The following RUNX1 variants were observed in gnomAD, a reference collection of about 807,000 sequenced individuals.
RUNX1 encodes runt-related transcription factor 1.
In RUNX1, 19 loss-of-function variants were observed where a neutral mutation model predicts 42.8. The ratio of observed to expected loss-of-function variants is 0.44; its 90% CI spans 0.31 to 0.65. The LOEUF is 0.65. Among genes scored for constraint, RUNX1 ranks in the 30% least tolerant of loss-of-function variants. RUNX1 has a pLI of 0.07. For synonymous variants in RUNX1, 271 were observed against 289.4 expected (o/e 0.94, Z 0.64); for missense variants, 528 against 672.0 (o/e 0.79, Z 2.37).
intron 8 of RUNX1, among the ~76,000 whole-genome samples, chr21:34,797,110 C>T (rs927389080): frequency 7.9e-5 from 12 of 152,216 alleles, no homozygotes; most frequent in African/African-American, 2.9e-4. Flanking sequence ...GCCTGTGCTC[C>T]AGGCTTGATT....
chr21:35,016,764 C>T (rs73367392), intron 2 of RUNX1, among the ~76,000 whole-genome samples: 14,580 of 152,014 alleles, frequency 0.096, 2,272 homozygotes, highest in African/African-American at 0.32. Flanking sequence ...TGCCCCAGGC[C>T]CCCTTCCATC....
At chr21:34,822,379 C>A (rs1380666908) in intron 7 of RUNX1, among the ~76,000 whole-genome samples, 1 of 152,242 alleles carries the variant, frequency 6.6e-6, no homozygotes. Context: ...TATTTTATTA[C>A]TCCCTTCAGT....
chr21:34,854,190 C>T (rs1168676481), intron 6 of RUNX1, among the ~76,000 whole-genome samples: 1 of 152,144 alleles, frequency 6.6e-6, no homozygotes, highest in Non-Finnish European at 1.5e-5. Flanking sequence ...TTCTCATGTT[C>T]ACATATATAA....
At chr21:35,016,437 C>A (rs2059159407) in intron 2 of RUNX1, among the ~76,000 whole-genome samples, 1 of 152,132 alleles carries the variant, frequency 6.6e-6, no homozygotes. Context: ...ATAGCCCAGG[C>A]CCATTGGAGT....
At chr21:34,818,256 G>A (rs548032243) in intron 7 of RUNX1, among the ~76,000 whole-genome samples, 1 of 152,372 alleles carries the variant, frequency 6.6e-6, no homozygotes, top group East Asian at 1.9e-4. Context: ...AACAGGCCAC[G>A]AGCTCCTTGT....
chr21:34,912,551 A>G (rs571091459), intron 2 of RUNX1, among the ~76,000 whole-genome samples: 1 of 152,272 alleles, frequency 6.6e-6, no homozygotes, highest in Non-Finnish European at 1.5e-5. Flanking sequence ...GATGGAAAAC[A>G]TTTCTGGCCA....
chr21:34,844,881 A>T (rs79796817), intron 6 of RUNX1, among the ~76,000 whole-genome samples: 1 of 152,368 alleles, frequency 6.6e-6, no homozygotes, highest in East Asian at 1.9e-4. Context: ...TGGCTGGTAC[A>T]GAAGGACAGG....
At chr21:34,889,214 C>G (rs956194257) in intron 3 of RUNX1, among the ~76,000 whole-genome samples, 2 of 151,928 alleles carry the variant, frequency 1.3e-5, no homozygotes, top group Non-Finnish European at 2.9e-5. Context: ...GCCTCCGCTT[C>G]CAGGGCGGGG....
chr21:35,007,822 G>A (rs563931423), intron 2 of RUNX1, among the ~76,000 whole-genome samples: 44 of 152,044 alleles, frequency 2.9e-4, no homozygotes, highest in Non-Finnish European at 4.4e-4. Flanking sequence ...ACCCCCAAAC[G>A]CCGATGAGAT....
chr21:34,906,759 T>A (rs2058223381), intron 2 of RUNX1, among the ~76,000 whole-genome samples: 1 of 152,192 alleles, frequency 6.6e-6, no homozygotes, highest in African/African-American at 2.4e-5. Flanking sequence ...ACTCTCCAGT[T>A]AAAGGGGATT....
intron 2 of RUNX1, among the ~76,000 whole-genome samples, chr21:35,043,903 A>G (rs1411181036): frequency 6.6e-6 from 1 of 152,216 alleles, no homozygotes; most frequent in African/African-American, 2.4e-5. Context: ...GAACCTGCTC[A>G]AAGGTATACA....
intron 8 of RUNX1, 37 bp downstream of exon 8, chr21:34,799,264 A>T (rs771365966): frequency 8.8e-5 from 142 of 1,612,488 alleles, no homozygotes; most frequent in Non-Finnish European, 1.2e-4. Flanking sequence ...CTTCCACCCC[A>T]GCTCAGCTGC....
intron 7 of RUNX1, among the ~76,000 whole-genome samples, chr21:34,814,715 G>A (rs746232009): frequency 1.8e-4 from 28 of 152,160 alleles, no homozygotes; most frequent in Non-Finnish European, 3.2e-4. Context: ...TAAAAGCACC[G>A]TTTGTGCTGA....
chr21:34,887,969 C>T, intron 3 of RUNX1: 2 of 1,066,020 alleles, frequency 1.9e-6, no homozygotes, highest in Non-Finnish European at 2.3e-6. Context: ...AAGGCCCAGT[C>T]GATGACACTC....
chr21:34,925,036 T>C (rs1435366415), intron 2 of RUNX1, among the ~76,000 whole-genome samples: 1 of 151,574 alleles, frequency 6.6e-6, no homozygotes, highest in Non-Finnish European at 1.5e-5. Context: ...GTGTTAGGGC[T>C]TCAACATATG....
intron 5 of RUNX1, among the ~76,000 whole-genome samples, chr21:34,859,922 T>G (rs1288179151): frequency 1.3e-5 from 2 of 152,244 alleles, no homozygotes; most frequent in Non-Finnish European, 2.9e-5. Context: ...TGCTCCCATC[T>G]TTCCCAATTA....
chr21:34,884,442 G>A (rs546196535), intron 4 of RUNX1, among the ~76,000 whole-genome samples: 2 of 152,236 alleles, frequency 1.3e-5, no homozygotes, highest in South Asian at 2.1e-4. Context: ...TTACCATAGG[G>A]AATATAATAA....
At chr21:34,948,375 C>T (rs1441410813) in intron 2 of RUNX1, among the ~76,000 whole-genome samples, 2 of 152,082 alleles carry the variant, frequency 1.3e-5, no homozygotes, top group Non-Finnish European at 1.5e-5. Context: ...GCATTTCATT[C>T]CTCTGTATTC....
At chr21:34,888,738 G>A in intron 3 of RUNX1, 2 of 1,000,178 alleles carry the variant, frequency 2.0e-6, no homozygotes, top group South Asian at 4.7e-5. Flanking sequence ...AGCCCGGCCG[G>A]AGGAATTCCA....
Sources: allele counts gnomAD v4.1 joint callset (sites outside exome capture counted in the v4.1 genomes callset), GRCh38; gene constraint gnomAD v4.1.1; transcripts MANE v1.5; gene names NCBI Gene and HGNC (gene_info 2026-07-23, HGNC 2026-07-21).